Variants in PDE2A observed in about 807,000 individuals in gnomAD.
PDE2A encodes cGMP-dependent 3',5'-cyclic phosphodiesterase.
A neutral mutation model predicts 133.6 loss-of-function variants in PDE2A; 53 were observed. That is an observed-to-expected ratio of 0.40 (90% CI 0.32 to 0.50). The LOEUF (loss-of-function observed/expected upper bound fraction) is 0.50. PDE2A is among the 20% of genes least tolerant of loss of function. The pLI is 0.73. For synonymous variants in PDE2A, 491 were observed against 490.2 expected, an observed-to-expected ratio of 1.00 and a Z score of -0.02; for missense variants, 796 against 1,232.4, an observed-to-expected ratio of 0.65 and a Z score of 5.30.
intron 13 of PDE2A, chr11:72,587,749 CA>C (rs1856042173): frequency 6.6e-6 from 1 of 152,448 alleles, no homozygotes; most frequent in East Asian, 1.9e-4. Flanking sequence ...ACCAATCCCA[CA>C]TTCTCCCTGC....
chr11:72,660,586 C>A (rs1386625877), intron 1 of PDE2A, among the ~76,000 whole-genome samples: 1 of 152,140 alleles, frequency 6.6e-6, no homozygotes. Flanking sequence ...TTATCCTCTC[C>A]TTTCTACAGA....
intron 21 of PDE2A, 190 bp downstream of exon 21, chr11:72,582,254 C>A (rs1855757061): frequency 1.6e-6 from 1 of 644,506 alleles, no homozygotes. Context: ...ATCATCCAGT[C>A]CAGCCTCTAG....
chr11:72,577,589 A>G lies in PDE2A; in HGVS notation c.2621T>C (p.Leu874Ser). Residue 874 changes from leucine to serine, a missense_variant, in exon 31 of 31, where the codon TTG becomes TCG. Transcript: ENST00000334456. ...TGCCGCTTTGGGGAACAGGTCCTGCAACAGCCTGCGGGTGCATGGGGGGCA... is the reference window on the plus strand; with the variant it reads ...TGCCGCTTTGGGGAACAGGTCCTGCGACAGCCTGCGGGTGCATGGGGGGCA... ...EHIAMPIYKL[L>S]QDLFPKAAEL... 1.3e-6 allele frequency: 2 copies of G among 1,577,736 alleles called. No individual in the cohort carries two copies. Among genetic ancestry groups the G allele is most frequent in the East Asian group, 2.3e-5 (1 of 43,686 alleles).
At chr11:72,640,163 C>G (rs1858891648) in intron 2 of PDE2A, among the ~76,000 whole-genome samples, 1 of 152,006 alleles carries the variant, frequency 6.6e-6, no homozygotes, top group African/African-American at 2.4e-5. Flanking sequence ...TCACACCACA[C>G]TCACACCGTC....
At chr11:72,662,591 C>G (rs1031187402) in intron 1 of PDE2A, among the ~76,000 whole-genome samples, 1 of 152,118 alleles carries the variant, frequency 6.6e-6, no homozygotes, top group Non-Finnish European at 1.5e-5. Flanking sequence ...GAGTGAAAGC[C>G]ACAGGCAGCA....
chr11:72,585,946 G>T, intron 14 of PDE2A, 124 bp downstream of exon 14: 1 of 688,354 alleles, frequency 1.5e-6, no homozygotes, highest in Non-Finnish European at 2.6e-6. Context: ...ATGAGGTTAT[G>T]GAGCCACCTG....
chr11:72,605,201 T>A lies in PDE2A; in HGVS notation c.260A>T (p.Asp87Val). ...RVETVYTYLL[D>V]GESQLVCEDP... Reference sequence around the variant, plus strand: ...CTCACACACCAGCTGGGACTCACCATCCAGTAGGTAGGTGTAGACAGTTTC... The same window carrying A: ...CTCACACACCAGCTGGGACTCACCAACCAGTAGGTAGGTGTAGACAGTTTC... Residue 87 changes from aspartate to valine, a missense_variant, in exon 4 of 31, where the codon GAT (aspartate) becomes GTT (valine). Asp to Val is a radical substitution (Grantham distance 152). This residue lies in a region of PDE2A where 417 missense variants were observed against 475.3 expected (regional missense o/e 0.88). Coordinates refer to ENST00000334456, the MANE Select transcript of PDE2A (RefSeq NM_002599.5). 1 of 1,610,586 alleles carries A rather than the reference T, an allele frequency of 6.2e-7. No individual in the cohort carries two copies. The highest frequency in any genetic ancestry group is 8.5e-7 in the Non-Finnish European group (1 of 1,177,976).
At chr11:72,630,955 TG>T in intron 2 of PDE2A, 1 of 741,520 alleles carries the variant, frequency 1.3e-6, no homozygotes, top group Non-Finnish European at 2.3e-6. Context: ...TCTGGAGGGC[TG>T]GGGCTGGGAT....
At chr11:72,640,821 A>G (rs946457302) in intron 2 of PDE2A, among the ~76,000 whole-genome samples, 1 of 152,076 alleles carries the variant, frequency 6.6e-6, no homozygotes, top group Non-Finnish European at 1.5e-5. Flanking sequence ...ATACAGCCAC[A>G]TACACACAAG....
intron 25 of PDE2A, among the ~76,000 whole-genome samples, chr11:72,580,287 C>T (rs368702100): frequency 5.9e-5 from 9 of 152,156 alleles, no homozygotes; most frequent in African/African-American, 1.2e-4. Flanking sequence ...TCTAAGGTGA[C>T]GCTAAGTGAT....
chr11:72,635,013 A>T (rs571129945), intron 2 of PDE2A, among the ~76,000 whole-genome samples: 8 of 151,908 alleles, frequency 5.3e-5, no homozygotes, highest in African/African-American at 1.9e-4. Context: ...GGGTGAGCAG[A>T]CCTCTCCTTC....
At chr11:72,665,380 C>G (rs1317042934) in intron 1 of PDE2A, among the ~76,000 whole-genome samples, 1 of 151,954 alleles carries the variant, frequency 6.6e-6, no homozygotes, top group Non-Finnish European at 1.5e-5. Flanking sequence ...ATCCCACCCC[C>G]ACTCCACCCC....
At chr11:72,651,004 C>T (rs1854726080) in intron 1 of PDE2A, among the ~76,000 whole-genome samples, 1 of 152,130 alleles carries the variant, frequency 6.6e-6, no homozygotes, top group Non-Finnish European at 1.5e-5. Context: ...ACCAAGGCCC[C>T]ATACTCTGAA....
chr11:72,592,299 G>C (rs1856286946), intron 6 of PDE2A, among the ~76,000 whole-genome samples: 1 of 152,204 alleles, frequency 6.6e-6, no homozygotes, highest in African/African-American at 2.4e-5. Flanking sequence ...GCTCCCCACA[G>C]CGCCTGCACT....
intron 4 of PDE2A, among the ~76,000 whole-genome samples, chr11:72,603,640 G>C (rs1219078167): frequency 6.6e-6 from 1 of 152,216 alleles, no homozygotes; most frequent in Non-Finnish European, 1.5e-5. Flanking sequence ...AAGTTCTTTG[G>C]AATTAGAGGA....
At chr11:72,662,705 C>T (rs935208414) in intron 1 of PDE2A, among the ~76,000 whole-genome samples, 6 of 152,100 alleles carry the variant, frequency 3.9e-5, no homozygotes, top group Admixed American at 3.3e-4. Flanking sequence ...GCAGGTGAGC[C>T]GGGAAGTAGC....
rs115122308 is a variant in PDE2A at position 72,597,347 on chromosome 11, T to C, written c.433+163A>G. Among the ~76,000 whole-genome samples the C allele has an allele frequency of 5.1e-3, 782 of 152,082 alleles. 4 individuals carry two copies. Among genetic ancestry groups the C allele is most frequent in the African/African-American group, 0.018 (746 of 41,466 alleles). ...AGTTGAGGCTCAGAGAATTTAGTAG[T>C]ACAATAGAGAGAGAATTAGATGGAG... On this transcript the variant is annotated intron_variant, in intron 5 of 30. Transcript: ENST00000334456. This position sits in a 1 kb window ranked among gnomAD's most constrained non-coding sequence, Gnocchi z 4.6.
chr11:72,585,625 G>A, intron 14 of PDE2A, 32 bp from the exon 15 acceptor site: 1 of 1,608,964 alleles, frequency 6.2e-7, no homozygotes, highest in Non-Finnish European at 8.5e-7. Context: ...TCATAGGGGG[G>A]TCGGGGTGTA....
At chr11:72,648,289 C>T (rs1266860645) in intron 1 of PDE2A, among the ~76,000 whole-genome samples, 8 of 152,156 alleles carry the variant, frequency 5.3e-5, no homozygotes, top group South Asian at 2.1e-4. Flanking sequence ...CACCTCAGCA[C>T]CTGCCAGAGG....
Sources: allele counts gnomAD v4.1 joint callset (sites outside exome capture counted in the v4.1 genomes callset), GRCh38; gene constraint gnomAD v4.1.1; regional missense constraint gnomAD v4.1.1; non-coding constraint Gnocchi (gnomAD v3.1); transcripts MANE v1.5; gene names NCBI Gene and HGNC (gene_info 2026-07-23, HGNC 2026-07-21).